DERA: variants seen among roughly 807,000 people sequenced by gnomAD.
DERA encodes the protein 2-deoxy-D-ribose 5-phosphate aldolase.
DERA carries 15 observed loss-of-function variants against 41.1 expected under a neutral mutation model. That is an observed-to-expected ratio of 0.37 (90% confidence interval 0.24 to 0.56). DERA has a LOEUF of 0.56. DERA is among the 20% of genes least tolerant of loss of function. The pLI, the probability that DERA is intolerant of heterozygous loss-of-function variation, is 0.81. For missense variants in DERA, 396 were observed against 403.4 expected, an observed-to-expected ratio of 0.98 and a Z score of 0.16; for synonymous variants, 139 against 137.4, an observed-to-expected ratio of 1.01 and a Z score of -0.08.
rs1948161988 is a variant in DERA at position 15,911,389 on chromosome 12, C to G, written c.6C>G (p.Ser2=). M[S]AHNRGTELDL... ...GCTCCGGAGCTGCCCGCGCCATGTC[C>G]GCGCACAATCGGGGCACCGAGCTCG... is the stretch of plus-strand genomic sequence containing the variant. The change falls in exon 1 of 9, where the codon TCC becomes TCG. Residue 2 remains serine, a synonymous_variant. Coordinates refer to ENST00000428559, the MANE Select transcript of DERA (RefSeq NM_015954.4). The surrounding 1 kb of genome is among the most constrained non-coding windows in gnomAD (Gnocchi z 4.5). 1.4e-6 allele frequency: 2 copies of G among 1,404,570 alleles called. No homozygotes were observed. The highest frequency in any genetic ancestry group is 1.8e-6 in the Non-Finnish European group (2 of 1,091,694). 87.0% of individuals were successfully genotyped at this position (1,404,570 alleles called of 1,614,324 possible).
intron 1 of DERA, among the ~76,000 whole-genome samples, chr12:15,916,650 A>T (rs11056709): frequency 0.071 from 10,758 of 151,874 alleles, 1,255 homozygotes; most frequent in African/African-American, 0.24. Flanking sequence ...GGGGTTTCAC[A>T]GTGTTGGCCA....
At position 15,990,174 on chromosome 12, in the gene DERA, G is replaced by C. The variant is rs1288723478; in HGVS notation, c.637+7738G>C. Reference sequence around the variant, plus strand: ...CTATACTCTTTCAAGGCATTATTTAGAGCATAACCCTTCAAAACCATTTGG... The same window carrying C: ...CTATACTCTTTCAAGGCATTATTTACAGCATAACCCTTCAAAACCATTTGG... On this transcript the variant is annotated intron_variant, in intron 6 of 8. Coordinates refer to ENST00000428559, the MANE Select transcript of DERA (RefSeq NM_015954.4). The surrounding 1 kb of genome is among the most constrained non-coding windows in gnomAD (Gnocchi z 4.3). Among the ~76,000 whole-genome samples, 2 of 152,036 alleles carry C rather than the reference G, an allele frequency of 1.3e-5. No homozygotes were observed. The highest frequency in any genetic ancestry group is 2.9e-5 in the Non-Finnish European group (2 of 68,000).
chr12:15,950,655 T>C (rs1384201568), intron 1 of DERA, among the ~76,000 whole-genome samples: 1 of 152,214 alleles, frequency 6.6e-6, no homozygotes, highest in Non-Finnish European at 1.5e-5. Flanking sequence ...CCCTATATGA[T>C]GGCCTCATTG....
In DERA at chr12:16,008,658, T is replaced by C. The variant is rs1948928861; in HGVS notation, c.638-23884T>C. ...CGGTGGCTTAAATTGTTTTTTCTTGTGTAAGAAGGAACTCTGAGGTGTAGC... is the reference window on the plus strand; with the variant it reads ...CGGTGGCTTAAATTGTTTTTTCTTGCGTAAGAAGGAACTCTGAGGTGTAGC... On this transcript the variant is annotated intron_variant, in intron 6 of 8. Coordinates refer to ENST00000428559, the MANE Select transcript of DERA (RefSeq NM_015954.4). The surrounding 1 kb of genome is among the most constrained non-coding windows in gnomAD (Gnocchi z 4.8). Among the ~76,000 whole-genome samples the C allele has an allele frequency of 6.6e-6, 1 of 152,200 alleles. No homozygotes were observed. Among genetic ancestry groups the C allele is most frequent in the Admixed American group, 6.5e-5 (1 of 15,284 alleles).
rs1410836737 is a variant in DERA at position 15,936,094 on chromosome 12, A to T, written c.32-20842A>T. Among the ~76,000 whole-genome samples the T allele has an allele frequency of 6.6e-6, 1 of 152,206 alleles. No individual in the cohort carries two copies. Among genetic ancestry groups the T allele is most frequent in the Non-Finnish European group, 1.5e-5 (1 of 68,036 alleles). On this transcript the variant is annotated intron_variant, in intron 1 of 8. Coordinates refer to ENST00000428559, the MANE Select transcript of DERA (RefSeq NM_015954.4). The surrounding 1 kb of genome is among the most constrained non-coding windows in gnomAD (Gnocchi z 4.6). The stretch of plus-strand genomic sequence containing the variant: ...TCCAAGTAGGAAGGCAAAAGCCACC[A>T]TGTGTTTTCTTACCAAATATTGAAG...
Position 15,990,684 on chromosome 12 carries a change from T to C in DERA, c.637+8248T>C, listed in dbSNP as rs1057305333. ...GTTGTCATCATTTAGCTCCCACTTA[T>C]AAGTGAGAGCATTTGGTATTTGGTT... On this transcript the variant is annotated intron_variant, in intron 6 of 8. Transcript: ENST00000428559. The surrounding 1 kb of genome is among the most constrained non-coding windows in gnomAD (Gnocchi z 4.3). Among the ~76,000 whole-genome samples the C allele has an allele frequency of 1.3e-5, 2 of 152,152 alleles. No homozygotes were observed. The highest frequency in any genetic ancestry group is 2.9e-5 in the Non-Finnish European group (2 of 68,012).
At chr12:15,947,958 T>C (rs1297274639) in intron 1 of DERA, among the ~76,000 whole-genome samples, 2 of 152,116 alleles carry the variant, frequency 1.3e-5, no homozygotes, top group Non-Finnish European at 2.9e-5. Context: ...TCTCCTTCAC[T>C]GGAAGCTTAG....
At chr12:15,950,971 C>T (rs1156727537) in intron 1 of DERA, among the ~76,000 whole-genome samples, 2 of 152,226 alleles carry the variant, frequency 1.3e-5, no homozygotes, top group Admixed American at 1.3e-4. Context: ...TTATCAAACT[C>T]TCCAGGAGGT....
At chr12:15,949,020 G>T (rs1700676546) in intron 1 of DERA, among the ~76,000 whole-genome samples, 1 of 152,204 alleles carries the variant, frequency 6.6e-6, no homozygotes. Flanking sequence ...GGCGAATATT[G>T]CTGAACAGCA....
intron 1 of DERA, among the ~76,000 whole-genome samples, chr12:15,933,899 A>G (rs929677054): frequency 6.6e-6 from 1 of 152,074 alleles, no homozygotes; most frequent in African/African-American, 2.4e-5. Flanking sequence ...TATATTTAGC[A>G]CTGCTGCTCA....
chr12:15,971,912 G>A (rs181234206), intron 5 of DERA: 27 of 337,452 alleles, frequency 8.0e-5, no homozygotes, highest in Non-Finnish European at 1.3e-4. Flanking sequence ...GAGGGCAGAT[G>A]TTTCCTAATT....
intron 6 of DERA, among the ~76,000 whole-genome samples, chr12:16,023,547 G>A (rs930813790): frequency 2.6e-3 from 364 of 140,332 alleles, no homozygotes; most frequent in African/African-American, 9.6e-3. Flanking sequence ...GCGGGATCTC[G>A]GCTCACTGCA....
At position 15,981,354 on chromosome 12, in the gene DERA, CA is replaced by C. The variant is rs1489675290; in HGVS notation, c.509-948del. ...CAGAGCAAGACTCCATCTCAAAAAC[CA>C]AAAAACAAAAAACAAAAAAACCTAC... is the stretch of plus-strand genomic sequence containing the variant. On this transcript the variant is annotated intron_variant, in intron 5 of 8. Transcript: ENST00000428559. This position sits in a 1 kb window ranked among gnomAD's most constrained non-coding sequence, Gnocchi z 6.1. 6.6e-6 allele frequency among the ~76,000 whole-genome samples: 1 copy of C among 151,388 alleles called. No individual in the cohort carries two copies. Among genetic ancestry groups the C allele is most frequent in the African/African-American group, 2.4e-5 (1 of 41,180 alleles).
In DERA at chr12:15,913,944, A is replaced by C. The variant is rs998431910; in HGVS notation, c.31+2530A>C. Reference sequence around the variant, plus strand: ...CTATTATGCCCTATATAGTCTATTAAAATGTACAGATATTCTTCTATTTTA... The same window carrying C: ...CTATTATGCCCTATATAGTCTATTACAATGTACAGATATTCTTCTATTTTA... On this transcript the variant is annotated intron_variant, in intron 1 of 8. Coordinates refer to ENST00000428559, the MANE Select transcript of DERA (RefSeq NM_015954.4). This position sits in a 1 kb window ranked among gnomAD's most constrained non-coding sequence, Gnocchi z 4.5. 2.6e-5 allele frequency among the ~76,000 whole-genome samples: 4 copies of C among 152,202 alleles called. No homozygotes were observed. The highest frequency in any genetic ancestry group is 9.7e-5 in the African/African-American group (4 of 41,442).
intron 6 of DERA, among the ~76,000 whole-genome samples, chr12:15,986,958 G>A (rs1948768699): frequency 6.6e-6 from 1 of 152,176 alleles, no homozygotes; most frequent in South Asian, 2.1e-4. Flanking sequence ...TAGAGTTCTG[G>A]GTTGAGCATT....
rs1017219346 is a variant in DERA, at chr12:15,998,481, C to G, written c.637+16045C>G. Among the ~76,000 whole-genome samples, 6 of 152,072 alleles carry G rather than the reference C, an allele frequency of 3.9e-5. No individual in the cohort carries two copies. The highest frequency in any genetic ancestry group is 1.4e-4 in the African/African-American group (6 of 41,396). On this transcript the variant is annotated intron_variant, in intron 6 of 8. Coordinates refer to ENST00000428559, the MANE Select transcript of DERA (RefSeq NM_015954.4). The surrounding 1 kb of genome is among the most constrained non-coding windows in gnomAD (Gnocchi z 4.8). ...TACAGGCATCCACCACCATGCCCGG[C>G]TAATTTTCTATTTTTAGTAGAGATG...
At chr12:16,033,624 T>TGTGTGTGTGTGTG (rs58693292) in intron 7 of DERA, among the ~76,000 whole-genome samples, 4 of 150,454 alleles carry the variant, frequency 2.7e-5, no homozygotes, top group South Asian at 2.1e-4. Flanking sequence ...TGTGTGTGTG[T>TGTGTGTGTGTGTG]TTAATGACAC....
At position 15,981,391 on chromosome 12, in the gene DERA, A is replaced by T. The variant is rs900815422; in HGVS notation, c.509-917A>T. 2.0e-5 allele frequency among the ~76,000 whole-genome samples: 3 copies of T among 152,154 alleles called. No homozygotes were observed. Among genetic ancestry groups the T allele is most frequent in the African/African-American group, 4.8e-5 (2 of 41,434 alleles). On this transcript the variant is annotated intron_variant, in intron 5 of 8. Coordinates refer to ENST00000428559, the MANE Select transcript of DERA (RefSeq NM_015954.4). The surrounding 1 kb of genome is among the most constrained non-coding windows in gnomAD (Gnocchi z 6.1). ...AACAAAAAAACCTACTTCCTATGAA[A>T]GATACTCAAATACAAAGGAAAGAAA...
Position 16,003,421 on chromosome 12 carries a change from A to G in DERA, c.637+20985A>G, listed in dbSNP as rs1257558916. The stretch of plus-strand genomic sequence containing the variant: ...ATGAATTTTGGGGGGCTCCAGTTCA[A>G]TCCACAACAAATGAGTTCAAAATGA... On this transcript the variant is annotated intron_variant, in intron 6 of 8. Coordinates refer to ENST00000428559, the MANE Select transcript of DERA (RefSeq NM_015954.4). This position sits in a 1 kb window ranked among gnomAD's most constrained non-coding sequence, Gnocchi z 4.8. Among the ~76,000 whole-genome samples, 17 of 152,294 alleles carry G rather than the reference A, an allele frequency of 1.1e-4. No individual in the cohort carries two copies. In the East Asian group the frequency reaches 3.3e-3, roughly 29 times the overall value.
Sources: allele counts gnomAD v4.1 joint callset (sites outside exome capture counted in the v4.1 genomes callset), GRCh38; gene constraint gnomAD v4.1.1; non-coding constraint Gnocchi (gnomAD v3.1); transcripts MANE v1.5; gene names NCBI Gene and HGNC (gene_info 2026-07-23, HGNC 2026-07-21).